PARP15: variants seen among roughly 807,000 people sequenced by gnomAD.
The protein encoded by PARP15 is poly(ADP-ribose) polymerase family member 15.
In PARP15, 50 loss-of-function variants were observed where a neutral mutation model predicts 62.1. The observed-to-expected ratio is 0.81, with a 90% CI of 0.64 to 1.02. PARP15 has a LOEUF of 1.02. Ranked by LOEUF, PARP15 falls within the 50% of genes least tolerant of loss-of-function variation. PARP15 has a pLI of 0.00. For synonymous variants in PARP15, 309 were observed against 293.1 expected (o/e 1.05, Z -0.55); for missense variants, 820 against 826.5 (o/e 0.99, Z 0.10).
chr3:122,623,871 C>A (rs1429754700), intron 8 of PARP15, among the ~76,000 whole-genome samples: 2 of 152,196 alleles, frequency 1.3e-5, no homozygotes, highest in African/African-American at 4.8e-5. Context: ...AGACCTGGCT[C>A]AGGGGCTCAC....
Position 122,637,646 on chromosome 3 carries a change from C to T in PARP15, c.*1546C>T, listed in dbSNP as rs956061474. The T allele has an allele frequency of 1.3e-5, 2 of 152,060 alleles. No homozygotes were observed. Among genetic ancestry groups the T allele is most frequent in the African/African-American group, 4.8e-5 (2 of 41,404 alleles). The allele number at this position is 152,060 out of a possible 1,614,324, so 9.4% of individuals were successfully genotyped here. On this transcript the variant is annotated 3_prime_UTR_variant, in exon 12 of 12. Coordinates refer to ENST00000464300, the MANE Select transcript of PARP15 (RefSeq NM_001113523.3). ...AAAAGTATAAAGAAAAATAACTCAC[C>T]AAACTCACTCATAATTCCAGCACTA...
chr3:122,627,039 A>G lies in PARP15; in HGVS notation c.1438+6A>G, dbSNP rs1292038467. 1 of 1,595,382 alleles carries G rather than the reference A, an allele frequency of 6.3e-7. No individual in the cohort carries two copies. The highest frequency in any genetic ancestry group is 2.2e-5 in the East Asian group (1 of 44,774). ...CACATTCTCCATGACTACATGTAAG[A>G]TGTTCACTTTTTAAAAATCACCCTG... On this transcript the variant is annotated splice_donor_region_variant and intron_variant, in intron 9 of 11. Transcript: ENST00000464300.
chr3:122,599,401 A>G (rs921996649), intron 1 of PARP15, among the ~76,000 whole-genome samples: 3 of 151,744 alleles, frequency 2.0e-5, no homozygotes, highest in Non-Finnish European at 4.4e-5. Context: ...CCAAATGTAT[A>G]GATCTAAATC....
chr3:122,621,549 G>A lies in PARP15; in HGVS notation c.1169G>A (p.Ser390Asn), dbSNP rs1320709686. 11 of 1,614,034 alleles carry A rather than the reference G, an allele frequency of 6.8e-6. No homozygotes were observed. Among genetic ancestry groups the A allele is most frequent in the Admixed American group, 5.0e-5 (3 of 59,988 alleles). Residue 390 changes from serine to asparagine, a missense_variant, in exon 8 of 12, where the codon AGT (serine) becomes AAT (asparagine). Physicochemically the swap from Ser to Asn is conservative, Grantham distance 46. Around this residue, in one of 3 missense-constraint regions of PARP15, gnomAD observed 731 missense variants for 727.7 expected, o/e 1.00. Transcript: ENST00000464300. ...GGKDVRKTVT[S>N]VLEECEQRKY... ...AAAGATGTCAGGAAAACGGTCACCA[G>A]TGTTCTAGAAGAGTGTGAACAGAGG...
intron 9 of PARP15, among the ~76,000 whole-genome samples, chr3:122,631,535 A>G (rs1937060932): frequency 6.6e-6 from 1 of 152,242 alleles, no homozygotes; most frequent in Admixed American, 6.5e-5. Flanking sequence ...TAGAAGTTCC[A>G]GGAAGCCACT....
intron 8 of PARP15, among the ~76,000 whole-genome samples, chr3:122,622,772 G>T (rs1231885164): frequency 6.6e-6 from 1 of 152,100 alleles, no homozygotes; most frequent in African/African-American, 2.4e-5. Context: ...CAGTGCTACT[G>T]GTCACTCACT....
intron 2 of PARP15, among the ~76,000 whole-genome samples, chr3:122,608,933 A>G (rs1441867602): frequency 6.6e-6 from 1 of 151,616 alleles, no homozygotes; most frequent in Non-Finnish European, 1.5e-5. Flanking sequence ...TTTTTTTTTA[A>G]TTGTAGAGAC....
At chr3:122,581,248 A>G (rs986528704) in intron 1 of PARP15, among the ~76,000 whole-genome samples, 14 of 152,228 alleles carry the variant, frequency 9.2e-5, no homozygotes, top group Non-Finnish European at 1.8e-4. Context: ...GCTGGATCAT[A>G]TGGTAATCCT....
chr3:122,583,025 C>T (rs1019595927), intron 1 of PARP15, among the ~76,000 whole-genome samples: 28 of 151,284 alleles, frequency 1.9e-4, no homozygotes, highest in Admixed American at 1.8e-3. Flanking sequence ...GCTAAGTATG[C>T]CCGTGTTTTC....
chr3:122,590,532 C>T (rs187154191), intron 1 of PARP15, among the ~76,000 whole-genome samples: 24 of 152,324 alleles, frequency 1.6e-4, no homozygotes, highest in African/African-American at 5.8e-4. Flanking sequence ...CCTCGGCCTC[C>T]CAAAGTGCTG....
chr3:122,580,193 T>C (rs990472354), intron 1 of PARP15, among the ~76,000 whole-genome samples: 3 of 151,558 alleles, frequency 2.0e-5, no homozygotes, highest in African/African-American at 7.3e-5. Flanking sequence ...GTTGTTCAAG[T>C]CCTCATGTCC....
chr3:122,585,527 A>T (rs573618088), intron 1 of PARP15, among the ~76,000 whole-genome samples: 1 of 152,308 alleles, frequency 6.6e-6, no homozygotes, highest in African/African-American at 2.4e-5. Flanking sequence ...AGTGTCCACT[A>T]CTTAATATGG....
intron 8 of PARP15, among the ~76,000 whole-genome samples, chr3:122,622,135 C>T (rs1046123764): frequency 1.2e-4 from 19 of 152,162 alleles, no homozygotes; most frequent in Admixed American, 9.8e-4. Flanking sequence ...AGTATCTTTC[C>T]AAGTTTGGTC....
chr3:122,622,454 C>G (rs1936411703), intron 8 of PARP15, among the ~76,000 whole-genome samples: 1 of 152,216 alleles, frequency 6.6e-6, no homozygotes, highest in African/African-American at 2.4e-5. Flanking sequence ...CACCCACAGT[C>G]AGCAAGTCCT....
At chr3:122,614,644 T>C (rs547679973) in intron 4 of PARP15, among the ~76,000 whole-genome samples, 139 of 152,356 alleles carry the variant, frequency 9.1e-4, no homozygotes, top group African/African-American at 3.2e-3. Context: ...TGTGTCCTTG[T>C]TGAGTTCACA....
In PARP15 at chr3:122,632,090, T is replaced by C. The variant is rs1937088458; in HGVS notation, c.1443T>C (p.Asn481=). The change falls in exon 10 of 12, where the codon AAT becomes AAC. Residue 481 remains asparagine (N), a synonymous_variant. Coordinates refer to ENST00000464300, the MANE Select transcript of PARP15 (RefSeq NM_001113523.3). ...GACCAAATGCTGACTTTCCAGGTAATCTTCCTGAACACTGGACTGACATGA... is the reference window on the plus strand; with the variant it reads ...GACCAAATGCTGACTTTCCAGGTAACCTTCCTGAACACTGGACTGACATGA... ...FQSTFSMTTC[N]LPEHWTDMNH... The C allele has an allele frequency of 6.2e-7, 1 of 1,614,012 alleles. No homozygotes were observed. The highest frequency in any genetic ancestry group is 1.1e-5 in the South Asian group (1 of 91,076).
chr3:122,633,612 A>G (rs1460761040), intron 10 of PARP15, among the ~76,000 whole-genome samples: 1 of 152,184 alleles, frequency 6.6e-6, no homozygotes, highest in Non-Finnish European at 1.5e-5. Flanking sequence ...CATTTTATGA[A>G]GTAATATAAG....
chr3:122,612,906 T>C, intron 3 of PARP15, 135 bp from the exon 4 acceptor site: 1 of 732,740 alleles, frequency 1.4e-6, no homozygotes, highest in Non-Finnish European at 2.2e-6. Flanking sequence ...TTTTGTTTCC[T>C]CTTTCTGACT....
chr3:122,596,265 AT>A (rs1335623954), intron 1 of PARP15, among the ~76,000 whole-genome samples: 7 of 148,988 alleles, frequency 4.7e-5, no homozygotes, highest in Non-Finnish European at 8.9e-5. Context: ...CTGAGGCAGG[AT>A]AATCCCTTGA....
Sources: allele counts gnomAD v4.1 joint callset (sites outside exome capture counted in the v4.1 genomes callset), GRCh38; gene constraint gnomAD v4.1.1; regional missense constraint gnomAD v4.1.1; transcripts MANE v1.5; gene names NCBI Gene and HGNC (gene_info 2026-07-23, HGNC 2026-07-21).